PRICKLE1: variants seen among roughly 807,000 people sequenced by gnomAD.
PRICKLE1 encodes prickle-like protein 1.
PRICKLE1 carries 14 observed loss-of-function variants against 70.2 expected under a neutral mutation model. The observed-to-expected ratio is 0.20, with a 90% CI of 0.13 to 0.31. PRICKLE1 has a LOEUF of 0.31. Ranked by LOEUF, PRICKLE1 falls within the 10% of genes least tolerant of loss-of-function variation. PRICKLE1 has a pLI of 1.00. For missense variants in PRICKLE1, 821 were observed against 1,026.2 expected (o/e 0.80, Z 2.73); for synonymous variants, 357 against 379.9 (o/e 0.94, Z 0.70).
intron 1 of PRICKLE1, among the ~76,000 whole-genome samples, chr12:42,583,303 G>C (rs529311862): frequency 6.6e-6 from 1 of 152,206 alleles, no homozygotes; most frequent in South Asian, 2.1e-4. Flanking sequence ...GCCTGGGTAA[G>C]GTGGATGTGT....
chr12:42,572,647 A>T (rs1156711723), intron 1 of PRICKLE1, among the ~76,000 whole-genome samples: 3 of 151,560 alleles, frequency 2.0e-5, no homozygotes, highest in Non-Finnish European at 4.4e-5. Context: ...ATAAAGTGAG[A>T]CCTCATCTCT....
chr12:42,513,716 G>C (rs1282916799), intron 1 of PRICKLE1, among the ~76,000 whole-genome samples: 2 of 151,954 alleles, frequency 1.3e-5, no homozygotes, highest in Non-Finnish European at 2.9e-5. Context: ...TAATAGGCTG[G>C]GTGCAGCCTA....
chr12:42,521,083 A>T (rs940720497), intron 1 of PRICKLE1, among the ~76,000 whole-genome samples: 1 of 152,138 alleles, frequency 6.6e-6, no homozygotes, highest in African/African-American at 2.4e-5. Context: ...AGGCAGGAGA[A>T]TGGCTTGAAC....
At chr12:42,577,057 C>T (rs1218853532) in intron 1 of PRICKLE1, among the ~76,000 whole-genome samples, 1 of 152,170 alleles carries the variant, frequency 6.6e-6, no homozygotes, top group Admixed American at 6.5e-5. Flanking sequence ...TATTTTCCAG[C>T]AAACCCTCTC....
chr12:42,518,586 A>T (rs1292056175), intron 1 of PRICKLE1, among the ~76,000 whole-genome samples: 1 of 152,228 alleles, frequency 6.6e-6, no homozygotes, highest in East Asian at 1.9e-4. Context: ...AAATAGCTCA[A>T]TGATCCTTAA....
chr12:42,572,691 G>A (rs1293049350), intron 1 of PRICKLE1, among the ~76,000 whole-genome samples: 1 of 151,892 alleles, frequency 6.6e-6, no homozygotes, highest in Non-Finnish European at 1.5e-5. Flanking sequence ...GCAAGGCATG[G>A]TGGCATGCCC....
intron 1 of PRICKLE1, among the ~76,000 whole-genome samples, chr12:42,510,667 T>C (rs535907284): frequency 6.6e-6 from 1 of 152,312 alleles, no homozygotes; most frequent in African/African-American, 2.4e-5. Flanking sequence ...TAACTATCAA[T>C]GAATTCCCAA....
intron 1 of PRICKLE1, among the ~76,000 whole-genome samples, chr12:42,530,786 C>T (rs1197421074): frequency 7.1e-6 from 1 of 141,322 alleles, no homozygotes; most frequent in East Asian, 2.2e-4. Flanking sequence ...TCCCGGGTTC[C>T]AGCAATTCTC....
intron 1 of PRICKLE1, among the ~76,000 whole-genome samples, chr12:42,526,204 G>A (rs1939795755): frequency 1.3e-5 from 2 of 152,154 alleles, no homozygotes; most frequent in South Asian, 4.2e-4. Flanking sequence ...GGTATTTCTT[G>A]GCACTTTTCT....
intron 1 of PRICKLE1, among the ~76,000 whole-genome samples, chr12:42,506,259 CTT>C (rs5797804): frequency 2.5e-5 from 3 of 121,130 alleles, no homozygotes; most frequent in African/African-American, 3.4e-5. Flanking sequence ...TTCTTTCTTT[CTT>C]TTTTTTTTTT....
Position 42,459,311 on chromosome 12 carries a change from A to G in PRICKLE1, c.*498T>C. ...GATACAATACAATGTTTACCTGGCC[A>G]AAGAGGGTTCGAGGGGACAAGCTGG... is the stretch of plus-strand genomic sequence containing the variant. On this transcript the variant is annotated 3_prime_UTR_variant, in exon 8 of 8. Transcript: ENST00000345127. 1.4e-6 allele frequency: 1 copy of G among 702,404 alleles called. No homozygotes were observed. The highest frequency in any genetic ancestry group is 1.5e-5 in the South Asian group (1 of 67,586). The allele number at this position is 702,404 out of a possible 1,614,324, so 43.5% of individuals were successfully genotyped here.
intron 1 of PRICKLE1, among the ~76,000 whole-genome samples, chr12:42,529,999 T>G (rs1474392324): frequency 2.7e-5 from 4 of 150,286 alleles, no homozygotes; most frequent in East Asian, 3.9e-4. Context: ...CAGGCTGGAG[T>G]GCAGTGGCAC....
In PRICKLE1 at chr12:42,459,060, G is replaced by T; in HGVS notation, c.*749C>A. ...TTTATAAACCCTGACTAAAATATAA[G>T]CAATCAGTTCATCCATAAATTCTGG... On this transcript the variant is annotated 3_prime_UTR_variant, in exon 8 of 8. Coordinates refer to ENST00000345127, the MANE Select transcript of PRICKLE1 (RefSeq NM_153026.3). 1 of 435,866 alleles carries T rather than the reference G, an allele frequency of 2.3e-6. No individual in the cohort carries two copies. The highest frequency in any genetic ancestry group is 4.1e-6 in the Non-Finnish European group (1 of 243,030). The allele number at this position is 435,866 out of a possible 1,614,324, so 27.0% of individuals were successfully genotyped here.
At chr12:42,558,216 C>T (rs180941343) in intron 1 of PRICKLE1, among the ~76,000 whole-genome samples, 1 of 152,296 alleles carries the variant, frequency 6.6e-6, no homozygotes, top group Admixed American at 6.5e-5. Context: ...TCAATGTATA[C>T]ATATTCTCAT....
At chr12:42,524,578 A>G (rs1196694114) in intron 1 of PRICKLE1, among the ~76,000 whole-genome samples, 2 of 151,920 alleles carry the variant, frequency 1.3e-5, no homozygotes, top group Admixed American at 1.3e-4. Context: ...CACCCGGCTA[A>G]TTTTTGTATT....
intron 1 of PRICKLE1, among the ~76,000 whole-genome samples, chr12:42,570,538 G>A (rs1344572438): frequency 6.6e-6 from 1 of 152,164 alleles, no homozygotes; most frequent in Non-Finnish European, 1.5e-5. Context: ...AAATTCCTGG[G>A]CTGGGCACAG....
chr12:42,501,795 C>A (rs1249907204), intron 1 of PRICKLE1, among the ~76,000 whole-genome samples: 4 of 151,996 alleles, frequency 2.6e-5, no homozygotes, highest in Non-Finnish European at 5.9e-5. Context: ...TATTTGGGAT[C>A]CTTGAAACAT....
chr12:42,586,012 G>T (rs1940981774), intron 1 of PRICKLE1, among the ~76,000 whole-genome samples: 1 of 152,102 alleles, frequency 6.6e-6, no homozygotes. Flanking sequence ...CCAGATTACT[G>T]TACTTCCCTC....
rs1205646780 is a variant in PRICKLE1, at chr12:42,464,246, C to T, written c.1639+149G>A. ...ATGTTGCCTGGGCTGGTCTCGAACTCCTGACCTCAAATGATCTGCCCACCT... is the reference window on the plus strand; with the variant it reads ...ATGTTGCCTGGGCTGGTCTCGAACTTCTGACCTCAAATGATCTGCCCACCT... On this transcript the variant is annotated intron_variant, in intron 7 of 7. Coordinates refer to ENST00000345127, the MANE Select transcript of PRICKLE1 (RefSeq NM_153026.3). This position sits in a 1 kb window ranked among gnomAD's most constrained non-coding sequence, Gnocchi z 4.2. 1 of 1,011,092 alleles carries T rather than the reference C, an allele frequency of 9.9e-7. No homozygotes were observed. The highest frequency in any genetic ancestry group is 1.6e-5 in the African/African-American group (1 of 63,484). The allele number at this position is 1,011,092 out of a possible 1,614,324, so 62.6% of individuals were successfully genotyped here. A position where few individuals can be genotyped will look rare whatever the true frequency, so the allele number is the denominator to read the frequency against.
Sources: gnomAD v4.1 joint callset for allele counts (sites outside exome capture counted in the v4.1 genomes callset) on GRCh38, gnomAD v4.1.1 for gene constraint, Gnocchi (gnomAD v3.1) non-coding constraint, MANE v1.5 for transcripts, NCBI Gene and HGNC (gene_info 2026-07-23, HGNC 2026-07-21) for gene names.